Variants in PRMT8 observed in about 807,000 individuals in gnomAD.
PRMT8 encodes protein arginine methyltransferase 8, also known as protein arginine N-methyltransferase 8.
A neutral mutation model predicts 47.1 loss-of-function variants in PRMT8; 7 were observed. The ratio of observed to expected loss-of-function variants is 0.15; its 90% confidence interval spans 0.08 to 0.28. The LOEUF is 0.28. Ranked by LOEUF, PRMT8 falls within the 10% of genes least tolerant of loss-of-function variation. The pLI is 1.00. For missense variants in PRMT8, 237 were observed against 505.4 expected, an observed-to-expected ratio of 0.47 and a Z score of 5.09; for synonymous variants, 188 against 186.5, an observed-to-expected ratio of 1.01 and a Z score of -0.07.
intron 1 of PRMT8, among the ~76,000 whole-genome samples, chr12:3,405,572 T>C (rs1441918125): frequency 6.6e-6 from 1 of 152,212 alleles, no homozygotes; most frequent in African/African-American, 2.4e-5. Flanking sequence ...ACTTTGTAGA[T>C]ACAATGCAGG....
At chr12:3,537,092 G>A (rs1264481009) in intron 1 of PRMT8, among the ~76,000 whole-genome samples, 1 of 152,180 alleles carries the variant, frequency 6.6e-6, no homozygotes, top group Non-Finnish European at 1.5e-5. Flanking sequence ...TTACCAAACG[G>A]CCTTTCTAAA....
chr12:3,583,010 TTGG>T lies in PRMT8; in HGVS notation c.829-44_829-42del, dbSNP rs1476931708. 6.3e-7 allele frequency: 1 copy of T among 1,590,486 alleles called. No homozygotes were observed. Among genetic ancestry groups the T allele is most frequent in the Non-Finnish European group, 8.6e-7 (1 of 1,166,504 alleles). On this transcript the variant is annotated intron_variant, in intron 7 of 9. Transcript: ENST00000382622. This position sits in a 1 kb window ranked among gnomAD's most constrained non-coding sequence, Gnocchi z 4.7. ...CGAGGCTGCTGACCGGGACCCAGAC[TTGG>T]TGGAGGCGATAAGTTCCCGGCATTC...
rs1236513290 is a variant in PRMT8 at position 3,572,566 on chromosome 12, AT to A, written c.712+3003del. 2.0e-5 allele frequency among the ~76,000 whole-genome samples: 3 copies of A among 152,176 alleles called. No homozygotes were observed. Among genetic ancestry groups the A allele is most frequent in the African/African-American group, 7.2e-5 (3 of 41,434 alleles). ...GATGGTTGAAGGGCGGCCCTCTTGG[AT>A]GGCTCAGCTGCTGTCTGTGGGCTTC... is the stretch of plus-strand genomic sequence containing the variant. On this transcript the variant is annotated intron_variant, in intron 6 of 9. Coordinates refer to ENST00000382622, the MANE Select transcript of PRMT8 (RefSeq NM_019854.5). The surrounding 1 kb of genome is among the most constrained non-coding windows in gnomAD (Gnocchi z 5.9).
chr12:3,533,084 C>A (rs912020753), intron 1 of PRMT8, among the ~76,000 whole-genome samples: 9 of 152,148 alleles, frequency 5.9e-5, no homozygotes, highest in Admixed American at 6.5e-5. Flanking sequence ...TGGGCTCTGC[C>A]AAGATCCCAG....
chr12:3,493,699 C>A lies in PRMT8; in HGVS notation c.75+1999C>A, dbSNP rs768621527. On this transcript the variant is annotated intron_variant, in intron 1 of 9. Transcript: ENST00000382622. This position sits in a 1 kb window ranked among gnomAD's most constrained non-coding sequence, Gnocchi z 8.2. ...TTTACTTGCTTCCCCCGCCGCTCCG[C>A]GCTCCCCCTTCTCAGCAGTTGCACA... Among the ~76,000 whole-genome samples, 1 of 152,252 alleles carries A rather than the reference C, an allele frequency of 6.6e-6. No individual in the cohort carries two copies. The highest frequency in any genetic ancestry group is 1.5e-5 in the Non-Finnish European group (1 of 68,046).
chr12:3,454,573 C>T (rs1398420313), intron 1 of PRMT8, among the ~76,000 whole-genome samples: 1 of 152,082 alleles, frequency 6.6e-6, no homozygotes, highest in East Asian at 1.9e-4. Flanking sequence ...ACGGGGCGGG[C>T]AAGAGCGGCA....
At chr12:3,428,870 C>T (rs118194693) in intron 1 of PRMT8, among the ~76,000 whole-genome samples, 1 of 151,698 alleles carries the variant, frequency 6.6e-6, no homozygotes, top group African/African-American at 2.4e-5. Flanking sequence ...CTCTTTGTCT[C>T]TCTGTCTCTT....
intron 1 of PRMT8, among the ~76,000 whole-genome samples, chr12:3,486,002 G>A (rs1591565124): frequency 1.3e-5 from 2 of 152,286 alleles, no homozygotes; most frequent in South Asian, 2.1e-4. Flanking sequence ...TTGCCCTGAC[G>A]CACCAGAGGT....
At chr12:3,392,343 C>T (rs1302178300) in intron 1 of PRMT8, among the ~76,000 whole-genome samples, 2 of 145,486 alleles carry the variant, frequency 1.4e-5, no homozygotes, top group Non-Finnish European at 3.0e-5. Flanking sequence ...GTATATCTCC[C>T]AGTGCTATCC....
At chr12:3,389,468 T>C (rs1864171623) in intron 1 of PRMT8, among the ~76,000 whole-genome samples, 1 of 152,186 alleles carries the variant, frequency 6.6e-6, no homozygotes, top group Admixed American at 6.5e-5. Flanking sequence ...CATTCTTTCC[T>C]TCCTTCCTTC....
rs1865661432 is a variant in PRMT8, at chr12:3,508,296, T to C, written c.75+16596T>C. Among the ~76,000 whole-genome samples the C allele has an allele frequency of 6.6e-6, 1 of 152,196 alleles. No individual in the cohort carries two copies. Among genetic ancestry groups the C allele is most frequent in the Non-Finnish European group, 1.5e-5 (1 of 68,030 alleles). ...CGGGATGTTTCTGTGTGGGGATATGTACACGCTTCTGAGTCAGTAGGTGCG... is the reference window on the plus strand; with the variant it reads ...CGGGATGTTTCTGTGTGGGGATATGCACACGCTTCTGAGTCAGTAGGTGCG... On this transcript the variant is annotated intron_variant, in intron 1 of 9. Coordinates refer to ENST00000382622, the MANE Select transcript of PRMT8 (RefSeq NM_019854.5). This position sits in a 1 kb window ranked among gnomAD's most constrained non-coding sequence, Gnocchi z 4.9.
At chr12:3,496,214 A>ATATATATATATATATTTTTTTTTTT in intron 1 of PRMT8, among the ~76,000 whole-genome samples, 1 of 27,762 alleles carries the variant, frequency 3.6e-5, no homozygotes, top group Non-Finnish European at 7.9e-5. Context: ...ATATATATAT[A>ATATATATATATATATTTTTTTTTTT]TTTTTTTTTT....
intron 4 of PRMT8, among the ~76,000 whole-genome samples, chr12:3,562,534 T>C (rs2137195842): frequency 6.6e-6 from 1 of 152,178 alleles, no homozygotes; most frequent in Non-Finnish European, 1.5e-5. Flanking sequence ...CATGGAATAA[T>C]TGAGAAAATG....
intron 1 of PRMT8, among the ~76,000 whole-genome samples, chr12:3,431,085 G>A (rs1438104109): frequency 1.4e-5 from 2 of 143,802 alleles, no homozygotes; most frequent in African/African-American, 6.0e-5. Flanking sequence ...ATCCTGCAGG[G>A]CCTTGTGTGT....
chr12:3,538,790 T>TGA lies in PRMT8; in HGVS notation c.76-1812_76-1811dup. On this transcript the variant is annotated intron_variant, in intron 1 of 9. Coordinates refer to ENST00000382622, the MANE Select transcript of PRMT8 (RefSeq NM_019854.5). This position sits in a 1 kb window ranked among gnomAD's most constrained non-coding sequence, Gnocchi z 4.6. ...AGAGACCGTGACCAACATCCCAAGC[T>TGA]GAGAGTGGGCACACCTGCTGCATTC... 1.9e-6 allele frequency: 1 copy of TGA among 516,474 alleles called. No homozygotes were observed. Among genetic ancestry groups the TGA allele is most frequent in the South Asian group, 1.4e-5 (1 of 71,344 alleles). 32.0% of individuals were successfully genotyped at this position (516,474 alleles called of 1,614,324 possible). A position where few individuals can be genotyped will look rare whatever the true frequency, so the allele number is the denominator to read the frequency against.
intron 2 of PRMT8, 34 bp downstream of exon 2, chr12:3,540,825 A>C (rs1228061022): frequency 6.3e-7 from 1 of 1,594,112 alleles, no homozygotes; most frequent in African/African-American, 1.3e-5. Flanking sequence ...TAATGGGGCG[A>C]GGCTGACTCT....
chr12:3,390,202 G>A (rs919259025), intron 1 of PRMT8, among the ~76,000 whole-genome samples: 2 of 152,262 alleles, frequency 1.3e-5, no homozygotes, highest in Non-Finnish European at 2.9e-5. Flanking sequence ...TGCATAATGG[G>A]CTCTTAGTTA....
At chr12:3,568,684 C>T in intron 4 of PRMT8, 22 bp from the exon 5 acceptor site, 2 of 1,613,778 alleles carry the variant, frequency 1.2e-6, no homozygotes, top group Non-Finnish European at 8.5e-7. Context: ...CAAAGTATGG[C>T]CCTGGGGTTC....
rs556672248 is a variant in PRMT8, at chr12:3,516,700, G to C, written c.76-23906G>C. On this transcript the variant is annotated intron_variant, in intron 1 of 9. Transcript: ENST00000382622. Reference sequence around the variant, plus strand: ...CAGTGGTCCATTTCCAAGACAAAGGGCCTTGATTTGGCCTAGGTCAGCAAA... The same window carrying C: ...CAGTGGTCCATTTCCAAGACAAAGGCCCTTGATTTGGCCTAGGTCAGCAAA... Among the ~76,000 whole-genome samples, 17 of 152,248 alleles carry C rather than the reference G, an allele frequency of 1.1e-4. 1 individual carries two copies. The South Asian group carries it at 3.5e-3, about 32-fold the overall frequency.
Sources: gnomAD v4.1 joint callset for allele counts (sites outside exome capture counted in the v4.1 genomes callset) on GRCh38, gnomAD v4.1.1 for gene constraint, Gnocchi (gnomAD v3.1) non-coding constraint, MANE v1.5 for transcripts, NCBI Gene and HGNC (gene_info 2026-07-23, HGNC 2026-07-21) for gene names.